SFI1: variants seen among roughly 807,000 people sequenced by gnomAD.
SFI1 encodes the protein protein SFI1 homolog.
SFI1 carries 195 observed loss-of-function variants against 207.5 expected under a neutral mutation model. The observed-to-expected ratio is 0.94, with a 90% CI of 0.84 to 1.06. The LOEUF (loss-of-function observed/expected upper bound fraction) is 1.06, where lower values mean the gene tolerates loss of function less well. Ranked by LOEUF, SFI1 falls within the 50% of genes least tolerant of loss-of-function variation. The pLI is 0.00. For missense variants in SFI1, 1,634 were observed against 1,588.0 expected (o/e 1.03, Z -0.49); for synonymous variants, 630 against 598.9 (o/e 1.05, Z -0.76).
rs56024940 is a variant in SFI1, at chr22:31,598,790, T to C, written c.1545-3422T>C. On this transcript the variant is annotated intron_variant, in intron 15 of 32. Transcript: ENST00000400288. ...TTGGATTGATACAGTCCAGTTTATCTTTTTTTTTTTTTTTTTTTTTTGAGA... is the reference window on the plus strand; with the variant it reads ...TTGGATTGATACAGTCCAGTTTATCCTTTTTTTTTTTTTTTTTTTTTGAGA... Among the ~76,000 whole-genome samples the C allele has an allele frequency of 1.3e-3, 96 of 73,826 alleles. 1 individual carries two copies. Among genetic ancestry groups the C allele is most frequent in the South Asian group, 2.1e-3 (3 of 1,404 alleles). The allele number at this position is 73,826 out of a possible 152,430, so 48.4% of individuals were successfully genotyped here.
intron 4 of SFI1, among the ~76,000 whole-genome samples, chr22:31,531,615 C>G (rs1358399025): frequency 6.6e-6 from 1 of 151,238 alleles, no homozygotes; most frequent in Non-Finnish European, 1.5e-5. Context: ...GCCGAGCAGC[C>G]AGGCATGGTG....
Position 31,614,785 on chromosome 22 carries a change from C to T in SFI1, c.2997-4C>T, listed in dbSNP as rs370554896. On this transcript the variant is annotated splice_region_variant and splice_polypyrimidine_tract_variant and intron_variant, in intron 27 of 32. Coordinates refer to ENST00000400288, the MANE Select transcript of SFI1 (RefSeq NM_001007467.3). ...AGGGGAACAGACCCCATGTTTCTTT[C>T]CAGCAACACTGCCCACTCAGCGAGG... 7 of 1,613,832 alleles carry T rather than the reference C, an allele frequency of 4.3e-6. No individual in the cohort carries two copies. In the African/African-American group the frequency reaches 5.3e-5, roughly 12 times the overall value.
chr22:31,582,220 A>ATATATATATAT (rs2064330547), intron 12 of SFI1, among the ~76,000 whole-genome samples: 2 of 32,520 alleles, frequency 6.2e-5, no homozygotes, highest in African/African-American at 2.2e-4. Context: ...ATATATATAT[A>ATATATATATAT]TATATATATA....
At chr22:31,578,342 C>A (rs1272755375) in intron 10 of SFI1, 40 bp from the exon 11 acceptor site, 1 of 1,602,266 alleles carries the variant, frequency 6.2e-7, no homozygotes, top group East Asian at 2.2e-5. Flanking sequence ...GTGTAGGGGT[C>A]AGAACCTTGT....
At chr22:31,615,402 AT>A in intron 29 of SFI1, 123 bp downstream of exon 29, 1 of 913,544 alleles carries the variant, frequency 1.1e-6, no homozygotes. Flanking sequence ...CCACTCATCC[AT>A]TTGACAAGCA....
At chr22:31,559,438 A>T (rs1474589936) in intron 7 of SFI1, 9 of 392,016 alleles carry the variant, frequency 2.3e-5, no homozygotes, top group Non-Finnish European at 3.9e-5. Flanking sequence ...AATAAAAAAA[A>T]TGGCTTCCGC....
intron 21 of SFI1, among the ~76,000 whole-genome samples, chr22:31,607,109 C>T (rs2069163222): frequency 6.6e-6 from 1 of 152,038 alleles, no homozygotes; most frequent in Non-Finnish European, 1.5e-5. Flanking sequence ...CCTGTGCCTC[C>T]CTTCCCCTGG....
At chr22:31,615,839 T>C (rs2071335328) in intron 29 of SFI1, 1 of 152,834 alleles carries the variant, frequency 6.5e-6, no homozygotes, top group African/African-American at 2.4e-5. Flanking sequence ...CTGGCTTGAA[T>C]AACTTGGGAA....
intron 8 of SFI1, chr22:31,572,757 C>G (rs2063083100): frequency 5.1e-6 from 1 of 196,296 alleles, no homozygotes; most frequent in Admixed American, 5.6e-5. Flanking sequence ...CCCTCCTCGG[C>G]CTCCCAAAGT....
At chr22:31,594,018 G>A (rs1173898947) in intron 15 of SFI1, among the ~76,000 whole-genome samples, 1 of 136,620 alleles carries the variant, frequency 7.3e-6, no homozygotes, top group Admixed American at 7.9e-5. Context: ...GGGAGAGGGA[G>A]AGGGAGAGGG....
At chr22:31,568,367 A>C (rs749336803) in intron 8 of SFI1, among the ~76,000 whole-genome samples, 1 of 150,844 alleles carries the variant, frequency 6.6e-6, no homozygotes, top group Non-Finnish European at 1.5e-5. Context: ...TCTCTACTAA[A>C]CATACAAAAA....
At position 31,527,546 on chromosome 22, in the gene SFI1, G is replaced by A. The variant is rs568020648; in HGVS notation, c.93-1144G>A. 3.9e-5 allele frequency among the ~76,000 whole-genome samples: 6 copies of A among 152,168 alleles called. No homozygotes were observed. The South Asian group carries it at 1.2e-3, about 32-fold the overall frequency. On this transcript the variant is annotated intron_variant, in intron 2 of 32. Transcript: ENST00000400288. ...TCCCAGGAGTTCAAGACCAGCCTAG[G>A]CAACATAGCAAGACCCTATTTCAAG... is the stretch of plus-strand genomic sequence containing the variant.
Position 31,511,464 on chromosome 22 carries a change from G to GTTTTTTTTTTTT in SFI1, c.92+3099_92+3110dup, listed in dbSNP as rs758898165. Among the ~76,000 whole-genome samples the GTTTTTTTTTTTT allele has an allele frequency of 1.4e-4, 16 of 114,558 alleles. 2 individuals are homozygous for GTTTTTTTTTTTT. Among genetic ancestry groups the GTTTTTTTTTTTT allele is most frequent in the Non-Finnish European group, 2.3e-4 (13 of 57,498 alleles). 75.2% of individuals were successfully genotyped at this position (114,558 alleles called of 152,430 possible). A position where few individuals can be genotyped will look rare whatever the true frequency, so the allele number is the denominator to read the frequency against. On this transcript the variant is annotated intron_variant, in intron 2 of 32. Transcript: ENST00000400288. ...GGCCTCTAACTCTGGCATAGTTTCT[G>GTTTTTTTTTTTT]TTTTTTTTTTTTTTTTTTTTTTGAG...
At chr22:31,501,780 G>A (rs968074214) in intron 1 of SFI1, among the ~76,000 whole-genome samples, 4 of 152,184 alleles carry the variant, frequency 2.6e-5, no homozygotes, top group Non-Finnish European at 5.9e-5. Context: ...TCAACATTTT[G>A]TTAAAACATA....
intron 2 of SFI1, among the ~76,000 whole-genome samples, chr22:31,514,248 G>A (rs762235808): frequency 2.6e-5 from 4 of 151,514 alleles, no homozygotes; most frequent in Non-Finnish European, 5.9e-5. Context: ...GCTCATGCCT[G>A]TAATCCCAGC....
chr22:31,616,692 C>T lies in SFI1; in HGVS notation c.3301-53C>T, dbSNP rs1273861900. On this transcript the variant is annotated intron_variant, in intron 29 of 32. Coordinates refer to ENST00000400288, the MANE Select transcript of SFI1 (RefSeq NM_001007467.3). ...GTGACAAGGACTTGGTGTCCCCCTC[C>T]CTGGCTTCCTCCTAGCTTCCTTGCT... 7.3e-6 allele frequency: 11 copies of T among 1,504,292 alleles called. No individual in the cohort carries two copies. The East Asian group carries it at 2.6e-4, about 35-fold the overall frequency. 93.2% of individuals were successfully genotyped at this position (1,504,292 alleles called of 1,614,324 possible).
intron 11 of SFI1, chr22:31,579,975 C>G (rs1037625007): frequency 2.8e-5 from 7 of 250,016 alleles, no homozygotes; most frequent in Non-Finnish European, 4.6e-5. Context: ...GTAGAATTGT[C>G]ATGTGGGTCA....
At chr22:31,551,668 C>T (rs1049896190) in intron 6 of SFI1, among the ~76,000 whole-genome samples, 9 of 152,140 alleles carry the variant, frequency 5.9e-5, no homozygotes, top group Non-Finnish European at 1.3e-4. Flanking sequence ...TGGACTAAAG[C>T]AATCCACCTG....
In SFI1 at chr22:31,618,389, A is replaced by G. The variant is rs2072213030; in HGVS notation, c.3700A>G (p.Ile1234Val). 2.5e-6 allele frequency: 4 copies of G among 1,601,266 alleles called. No homozygotes were observed. The highest frequency in any genetic ancestry group is 1.3e-5 in the African/African-American group (1 of 74,726). The stretch of plus-strand genomic sequence containing the variant: ...GCCCATTGGCGCCTGCGTTGCCCGC[A>G]TCCAGGCCCTGCGGCAGGCCCTGTG... ...RQPIGACVAR[I>V]QALRQALC is the part of the protein sequence containing the mutation. Residue 1234 changes from isoleucine (I) to valine (V), a missense_variant, in exon 33 of 33, where the codon ATC becomes GTC. Coordinates refer to ENST00000400288, the MANE Select transcript of SFI1 (RefSeq NM_001007467.3).
Sources: gnomAD v4.1 joint callset for allele counts (sites outside exome capture counted in the v4.1 genomes callset) on GRCh38, gnomAD v4.1.1 for gene constraint, MANE v1.5 for transcripts, NCBI Gene and HGNC (gene_info 2026-07-23, HGNC 2026-07-21) for gene names.